The following STK32B variants were observed in gnomAD, a reference collection of about 807,000 sequenced individuals.
The protein encoded by STK32B is serine/threonine kinase 32B.
A neutral mutation model predicts 52.6 loss-of-function variants in STK32B; 43 were observed. That is an observed-to-expected ratio of 0.82 (90% CI 0.64 to 1.05). The LOEUF (loss-of-function observed/expected upper bound fraction) is 1.05, where lower values mean the gene tolerates loss of function less well. Among genes scored for constraint, STK32B ranks in the 50% least tolerant of loss-of-function variants. The probability of loss-of-function intolerance (pLI) is 0.00; values close to 1 mark genes in which losing one functional copy is unlikely to be tolerated. For synonymous variants in STK32B, 238 were observed against 204.3 expected (o/e 1.17, Z -1.41); for missense variants, 621 against 534.6 (o/e 1.16, Z -1.59).
intron 6 of STK32B, among the ~76,000 whole-genome samples, chr4:5,421,915 C>A (rs1712682455): frequency 6.6e-6 from 1 of 152,182 alleles, no homozygotes; most frequent in Non-Finnish European, 1.5e-5. Context: ...AGTGAAGGAG[C>A]CAGAATTTGA....
At chr4:5,473,204 T>C (rs570372124) in intron 11 of STK32B, among the ~76,000 whole-genome samples, 1 of 152,316 alleles carries the variant, frequency 6.6e-6, no homozygotes, top group African/African-American at 2.4e-5. Context: ...GGCAGATGTT[T>C]ATTGAGCATC....
In STK32B at chr4:5,399,486, T is replaced by TG. The variant is rs1345921979; in HGVS notation, c.472+1247dup. ...GATGCTGGAACCAGACTAAGTGCTT[T>TG]GGGGGCAGTAGGATTGAACTCACTG... On this transcript the variant is annotated intron_variant, in intron 5 of 11. Transcript: ENST00000282908. The surrounding 1 kb of genome is among the most constrained non-coding windows in gnomAD (Gnocchi z 5.4). 2.6e-5 allele frequency among the ~76,000 whole-genome samples: 4 copies of TG among 152,152 alleles called. No homozygotes were observed. The highest frequency in any genetic ancestry group is 9.7e-5 in the African/African-American group (4 of 41,434).
intron 1 of STK32B, among the ~76,000 whole-genome samples, chr4:5,062,514 G>T (rs1268214845): frequency 1.3e-5 from 2 of 152,096 alleles, no homozygotes; most frequent in Non-Finnish European, 1.5e-5. Context: ...TGTTGTTGTT[G>T]TTGTTTTTTT....
At chr4:5,029,046 G>T in the STK32B span, among the ~76,000 whole-genome samples, 2 of 152,098 alleles carry the variant, frequency 1.3e-5, no homozygotes, top group Admixed American at 6.5e-5. Context: ...CAAGGGAGAT[G>T]GTGCTAAACC....
At chr4:5,167,654 A>C (rs1412542940) in intron 2 of STK32B, among the ~76,000 whole-genome samples, 1 of 152,234 alleles carries the variant, frequency 6.6e-6, no homozygotes, top group Non-Finnish European at 1.5e-5. Context: ...TCCGGGAGCC[A>C]GTGTAAACAC....
At chr4:5,341,397 C>T (rs894679870) in intron 4 of STK32B, among the ~76,000 whole-genome samples, 1 of 152,218 alleles carries the variant, frequency 6.6e-6, no homozygotes, top group African/African-American at 2.4e-5. Flanking sequence ...GCTAATTATT[C>T]ATGGATACCC....
At chr4:5,307,642 A>G (rs991920982) in intron 3 of STK32B, among the ~76,000 whole-genome samples, 2 of 148,454 alleles carry the variant, frequency 1.3e-5, no homozygotes, top group Non-Finnish European at 3.0e-5. Context: ...CTGGCAATTC[A>G]TTTGGATCTA....
At chr4:5,342,777 A>G (rs1268213564) in intron 4 of STK32B, among the ~76,000 whole-genome samples, 1 of 152,170 alleles carries the variant, frequency 6.6e-6, no homozygotes, top group East Asian at 1.9e-4. Context: ...TATCTTCAAC[A>G]CCTGATATAA....
chr4:5,474,127 A>G (rs746716373), intron 11 of STK32B, among the ~76,000 whole-genome samples: 2 of 152,170 alleles, frequency 1.3e-5, no homozygotes, highest in Non-Finnish European at 2.9e-5. Flanking sequence ...AAAAAAGAAA[A>G]AAAATTAATG....
intron 2 of STK32B, among the ~76,000 whole-genome samples, chr4:5,150,937 A>G (rs1006363448): frequency 6.6e-6 from 1 of 152,178 alleles, no homozygotes; most frequent in Non-Finnish European, 1.5e-5. Flanking sequence ...TTAGCATCAC[A>G]AAGAGGCATA....
At chr4:5,098,194 T>C (rs973417018) in intron 1 of STK32B, among the ~76,000 whole-genome samples, 2 of 152,194 alleles carry the variant, frequency 1.3e-5, no homozygotes, top group Non-Finnish European at 2.9e-5. Context: ...AAAAGTTGCA[T>C]TGCACAGGGT....
chr4:5,364,558 C>T (rs879902046), intron 4 of STK32B, among the ~76,000 whole-genome samples: 9 of 152,138 alleles, frequency 5.9e-5, no homozygotes, highest in Non-Finnish European at 1.0e-4. Flanking sequence ...ATTTTTGAGT[C>T]GCACAACTAG....
chr4:5,165,015 G>C (rs890648066), intron 2 of STK32B, among the ~76,000 whole-genome samples: 5 of 152,216 alleles, frequency 3.3e-5, no homozygotes, highest in Non-Finnish European at 7.3e-5. Context: ...ATCTGCAAGA[G>C]GGCTAGGCCC....
chr4:5,224,662 G>A (rs1375322490), intron 3 of STK32B, among the ~76,000 whole-genome samples: 4 of 151,936 alleles, frequency 2.6e-5, no homozygotes, highest in Non-Finnish European at 4.4e-5. Context: ...GCCTACTACT[G>A]GGGAATCAAA....
chr4:5,235,701 A>G (rs939330903), intron 3 of STK32B, among the ~76,000 whole-genome samples: 1 of 152,250 alleles, frequency 6.6e-6, no homozygotes, highest in African/African-American at 2.4e-5. Context: ...AGTCTGCTCC[A>G]GCCTCATTTT....
At position 5,380,461 on chromosome 4, in the gene STK32B, ATTT is replaced by A. The variant is rs1161177096; in HGVS notation, c.435-17744_435-17742del. ...GCTATGTCTAATTTTGTGAACAGATATTTTGTTCACAGGACAAGAATCCTGTCC... is the reference window on the plus strand; with the variant it reads ...GCTATGTCTAATTTTGTGAACAGATATGTTCACAGGACAAGAATCCTGTCC... On this transcript the variant is annotated intron_variant, in intron 4 of 11. Transcript: ENST00000282908. The surrounding 1 kb of genome is among the most constrained non-coding windows in gnomAD (Gnocchi z 4.3). Among the ~76,000 whole-genome samples the A allele has an allele frequency of 6.6e-6, 1 of 152,152 alleles. No homozygotes were observed. The highest frequency in any genetic ancestry group is 6.5e-5 in the Admixed American group (1 of 15,270).
intron 4 of STK32B, among the ~76,000 whole-genome samples, chr4:5,342,460 A>G (rs1355862460): frequency 6.6e-6 from 1 of 152,224 alleles, no homozygotes; most frequent in Non-Finnish European, 1.5e-5. Flanking sequence ...ATAGAAAACC[A>G]AACACCTTGT....
At chr4:5,445,727 C>T (rs1715342321) in intron 6 of STK32B, among the ~76,000 whole-genome samples, 1 of 152,180 alleles carries the variant, frequency 6.6e-6, no homozygotes, top group Admixed American at 6.5e-5. Context: ...AGTACATTCA[C>T]AATGTTTTAT....
chr4:5,457,219 T>TC (rs1279012747), intron 8 of STK32B, among the ~76,000 whole-genome samples: 12 of 148,142 alleles, frequency 8.1e-5, no homozygotes, highest in African/African-American at 2.7e-4. Context: ...TTTCTTTTTT[T>TC]TTTTTTTTTT....
Sources: gnomAD v4.1 joint callset for allele counts (sites outside exome capture counted in the v4.1 genomes callset) on GRCh38, gnomAD v4.1.1 for gene constraint, Gnocchi (gnomAD v3.1) non-coding constraint, MANE v1.5 for transcripts, NCBI Gene and HGNC (gene_info 2026-07-23, HGNC 2026-07-21) for gene names.